Variants in CDH23 observed in about 807,000 individuals in gnomAD.
CDH23 encodes cadherin related 23.
CDH23 carries 189 observed loss-of-function variants against 317.1 expected under a neutral mutation model. The observed-to-expected ratio is 0.60, with a 90% confidence interval of 0.53 to 0.67. The LOEUF is 0.67. Among genes scored for constraint, CDH23 ranks in the 30% least tolerant of loss-of-function variants. The probability of loss-of-function intolerance (pLI) is 0.00; values close to 1 mark genes in which losing one functional copy is unlikely to be tolerated. For synonymous variants in CDH23, 1,839 were observed against 1,876.8 expected, an observed-to-expected ratio of 0.98 and a Z score of 0.52; for missense variants, 4,401 against 4,592.4, an observed-to-expected ratio of 0.96 and a Z score of 1.20.
chr10:71,803,198 C>T lies in CDH23; in HGVS notation c.7661-11C>T. ...TCTCAACCAGAGCTACTCTCCTGCT[C>T]CCACTGCCAGAGGCCTTCCATGTGG... On this transcript the variant is annotated splice_polypyrimidine_tract_variant and intron_variant, in intron 54 of 69. Coordinates refer to ENST00000224721, the MANE Select transcript of CDH23 (RefSeq NM_022124.6). 1 of 1,609,188 alleles carries T rather than the reference C, an allele frequency of 6.2e-7. No individual in the cohort carries two copies. Among genetic ancestry groups the T allele is most frequent in the Non-Finnish European group, 8.5e-7 (1 of 1,177,338 alleles).
chr10:71,792,252 T>C (rs1841270962), intron 47 of CDH23, among the ~76,000 whole-genome samples: 1 of 152,146 alleles, frequency 6.6e-6, no homozygotes, highest in Non-Finnish European at 1.5e-5. Context: ...TTATAATCTG[T>C]ATGTAATCTA....
intron 3 of CDH23, among the ~76,000 whole-genome samples, chr10:71,473,706 C>T (rs1206941302): frequency 5.3e-5 from 8 of 152,260 alleles, no homozygotes. Context: ...GCCTGGGGCA[C>T]AGAAGAACCC....
chr10:71,648,930 T>C (rs1051010662), intron 14 of CDH23, among the ~76,000 whole-genome samples: 6 of 152,140 alleles, frequency 3.9e-5, no homozygotes, highest in African/African-American at 1.4e-4. Flanking sequence ...ACCGTGTGCC[T>C]AAAGGAGTTC....
intron 38 of CDH23, among the ~76,000 whole-genome samples, chr10:71,773,666 G>A (rs1231176138): frequency 6.6e-6 from 1 of 152,192 alleles, no homozygotes; most frequent in Non-Finnish European, 1.5e-5. Flanking sequence ...CCGGCCCCGT[G>A]GGTGGGGAGC....
At chr10:71,446,258 A>T (rs1850160739) in intron 2 of CDH23, 60 bp from the exon 3 acceptor site, 1 of 1,495,738 alleles carries the variant, frequency 6.7e-7, no homozygotes, top group Non-Finnish European at 9.3e-7. Flanking sequence ...GTGTCACCTT[A>T]TAGAGTGTGT....
chr10:71,597,654 C>T (rs1440949627), intron 9 of CDH23, among the ~76,000 whole-genome samples: 1 of 152,084 alleles, frequency 6.6e-6, no homozygotes, highest in African/African-American at 2.4e-5. Flanking sequence ...AGAGGTGTGG[C>T]CCTGGGGGTC....
chr10:71,666,961 A>T (rs539084232), intron 14 of CDH23, among the ~76,000 whole-genome samples: 7 of 152,336 alleles, frequency 4.6e-5, no homozygotes, highest in African/African-American at 1.7e-4. Context: ...CTCCCATGTA[A>T]ATTTCTGCTC....
Position 71,740,795 on chromosome 10 carries a change from T to G in CDH23, c.4489-27T>G, listed in dbSNP as rs7918476. Reference sequence around the variant, plus strand: ...AATCCTGCCCGCCACGCTTTAGCCCTGACTCCAGTTGCCCTCCTCCTTGCA... The same window carrying G: ...AATCCTGCCCGCCACGCTTTAGCCCGGACTCCAGTTGCCCTCCTCCTTGCA... On this transcript the variant is annotated intron_variant, in intron 36 of 69. Coordinates refer to ENST00000224721, the MANE Select transcript of CDH23 (RefSeq NM_022124.6). The G allele has an allele frequency of 2.3e-3, 3,755 of 1,613,414 alleles. 69 individuals carry two copies. In the African/African-American group the frequency reaches 0.043, roughly 19 times the overall value.
At chr10:71,790,650 C>T in intron 46 of CDH23, 1 of 565,376 alleles carries the variant, frequency 1.8e-6, no homozygotes. Context: ...CACGAACTCT[C>T]AGCCTGGGCC....
intron 11 of CDH23, among the ~76,000 whole-genome samples, chr10:71,623,484 C>T (rs760883749): frequency 4.6e-5 from 7 of 152,194 alleles, no homozygotes; most frequent in Non-Finnish European, 1.0e-4. Context: ...CACAGGAAGG[C>T]GTTTTTCTGT....
At chr10:71,419,868 G>A (rs945264589) in intron 1 of CDH23, among the ~76,000 whole-genome samples, 4 of 152,100 alleles carry the variant, frequency 2.6e-5, no homozygotes, top group Non-Finnish European at 5.9e-5. Flanking sequence ...GGGGAGAGTG[G>A]GCCAAGAAGG....
At chr10:71,702,258 G>A in intron 23 of CDH23, 47 bp downstream of exon 23, 1 of 1,580,920 alleles carries the variant, frequency 6.3e-7, no homozygotes, top group South Asian at 1.1e-5. Flanking sequence ...TTAGGCTGCG[G>A]GTGTCCCTGG....
intron 30 of CDH23, among the ~76,000 whole-genome samples, chr10:71,726,958 G>C (rs986906812): frequency 1.3e-5 from 2 of 152,218 alleles, no homozygotes; most frequent in African/African-American, 4.8e-5. Flanking sequence ...AGGGTACAGT[G>C]TAAAACAGAT....
rs146478008 is a variant in CDH23 at position 71,794,822 on chromosome 10, C to T, written c.6712+1182C>T. On this transcript the variant is annotated intron_variant, in intron 48 of 69. Coordinates refer to ENST00000224721, the MANE Select transcript of CDH23 (RefSeq NM_022124.6). ...ACCCAGTATATGTTCCAGAGAAAGT[C>T]TCAGGGCATTAATGAAACTGTCTGA... 2.6e-4 allele frequency among the ~76,000 whole-genome samples: 40 copies of T among 152,252 alleles called. 1 individual carries two copies. The highest frequency in any genetic ancestry group is 8.9e-4 in the African/African-American group (37 of 41,546).
Position 71,811,978 on chromosome 10 carries a change from A to T in CDH23, c.9343A>T (p.Met3115Leu), listed in dbSNP as rs772298163. ...AGGGAATCGTGGCTTCATCGACATC[A>T]TGGACATGCCTAACACCAACAAGTA... ...SAGNRGFIDI[M>L]DMPNTNKYSF... The change falls in exon 66 of 70, where the codon ATG becomes TTG. Residue 3115 changes from methionine to leucine, a missense_variant. Met to Leu is a conservative substitution (Grantham distance 15). Transcript: ENST00000224721. 1 of 1,610,698 alleles carries T rather than the reference A, an allele frequency of 6.2e-7. No individual in the cohort carries two copies. Among genetic ancestry groups the T allele is most frequent in the East Asian group, 2.2e-5 (1 of 44,712 alleles).
At chr10:71,712,592 G>A in intron 27 of CDH23, 73 bp from the exon 28 acceptor site, 1 of 1,562,754 alleles carries the variant, frequency 6.4e-7, no homozygotes, top group Non-Finnish European at 8.7e-7. Context: ...GTGCCCGGGA[G>A]TGTGCAAAGT....
At chr10:71,742,016 C>T in intron 38 of CDH23, 95 bp downstream of exon 38, 1 of 1,031,294 alleles carries the variant, frequency 9.7e-7, no homozygotes, top group Non-Finnish European at 1.4e-6. Context: ...TGGAATTCCA[C>T]ACAGCAGGCG....
Position 71,715,970 on chromosome 10 carries a change from C to T in CDH23, c.3369+3157C>T, listed in dbSNP as rs924759034. On this transcript the variant is annotated intron_variant, in intron 28 of 69. Transcript: ENST00000224721. ...GGTAGATTCCATGTAGTCACAGTGG[C>T]TGCGGTTGTCCTCGGGGCCCGGCAG... is the stretch of plus-strand genomic sequence containing the variant. The T allele has an allele frequency of 4.0e-6, 6 of 1,487,376 alleles. No homozygotes were observed. The Admixed American group carries it at 1.3e-4, about 32-fold the overall frequency. 92.1% of individuals were successfully genotyped at this position (1,487,376 alleles called of 1,614,324 possible). A position where few individuals can be genotyped will look rare whatever the true frequency, so the allele number is the denominator to read the frequency against.
chr10:71,612,240 G>GTGTGT (rs1860944271), intron 9 of CDH23, among the ~76,000 whole-genome samples: 2 of 151,682 alleles, frequency 1.3e-5, no homozygotes, highest in African/African-American at 2.4e-5. Flanking sequence ...GTGTGTGTGT[G>GTGTGT]TGTGTGTGTG....
Sources: allele counts gnomAD v4.1 joint callset (sites outside exome capture counted in the v4.1 genomes callset), GRCh38; gene constraint gnomAD v4.1.1; transcripts MANE v1.5; gene names NCBI Gene and HGNC (gene_info 2026-07-23, HGNC 2026-07-21).